Variants in HIP1R observed in about 807,000 individuals in gnomAD.
The protein encoded by HIP1R is huntingtin interacting protein 1 related, also known as huntingtin-interacting protein 1-related protein.
A neutral mutation model predicts 144.2 loss-of-function variants in HIP1R; 135 were observed. That is an observed-to-expected ratio of 0.94 (90% CI 0.81 to 1.08). HIP1R has a LOEUF of 1.08. Ranked by LOEUF, HIP1R falls within the 50% of genes least tolerant of loss-of-function variation. The pLI, the probability that HIP1R is intolerant of heterozygous loss-of-function variation, is 0.00. For missense variants in HIP1R, 1,462 were observed against 1,432.8 expected (o/e 1.02, Z -0.33); for synonymous variants, 698 against 612.8 (o/e 1.14, Z -2.05).
chr12:122,859,886 T>A, intron 24 of HIP1R, 56 bp downstream of exon 24: 2 of 1,557,018 alleles, frequency 1.3e-6, no homozygotes, highest in Non-Finnish European at 1.8e-6. Context: ...CCGTGGCCCC[T>A]AAGGTTCTGC....
intron 7 of HIP1R, among the ~76,000 whole-genome samples, chr12:122,852,971 C>A (rs1467497983): frequency 1.3e-5 from 2 of 152,172 alleles, no homozygotes; most frequent in African/African-American, 2.4e-5. Flanking sequence ...TGCCCCTCCC[C>A]CCCAGGCTCT....
chr12:122,835,670 C>T, intron 1 of HIP1R, 27 bp downstream of exon 1: 2 of 928,380 alleles, frequency 2.2e-6, no homozygotes, highest in South Asian at 4.8e-5. Flanking sequence ...CGGCGGGCGG[C>T]GGGCGGCGGC....
rs2033572925 is a variant in HIP1R at position 122,856,252 on chromosome 12, C to T, written c.1313-4C>T. On this transcript the variant is annotated splice_polypyrimidine_tract_variant and splice_region_variant and intron_variant, in intron 14 of 31. Coordinates refer to ENST00000253083, the MANE Select transcript of HIP1R (RefSeq NM_003959.3). ...GGCATCACTGCCCCTCCTCTCGCCC[C>T]CAGGGAAGGCCAGTGCCACGGAGGC... The T allele has an allele frequency of 6.2e-7, 1 of 1,613,590 alleles. No individual in the cohort carries two copies. Among genetic ancestry groups the T allele is most frequent in the Admixed American group, 1.7e-5 (1 of 59,996 alleles).
chr12:122,858,589 C>CCTG (rs1302415783), intron 20 of HIP1R, among the ~76,000 whole-genome samples, 154 bp downstream of exon 20: 1 of 152,250 alleles, frequency 6.6e-6, no homozygotes, highest in African/African-American at 2.4e-5. Context: ...GGAACCCACC[C>CCTG]CTGCCCTGTG....
chr12:122,862,031 G>A lies in HIP1R; in HGVS notation c.*278G>A, dbSNP rs2033786648. 3 of 453,078 alleles carry A rather than the reference G, an allele frequency of 6.6e-6. No homozygotes were observed. Among genetic ancestry groups the A allele is most frequent in the South Asian group, 9.5e-5 (2 of 21,032 alleles). The allele number at this position is 453,078 out of a possible 1,614,324, so 28.1% of individuals were successfully genotyped here. Reference sequence around the variant, plus strand: ...GAGCCTCAACTCTTCAGAAAATAGTGTTTTTAATATTCCTCTTCAGAAAAT... The same window carrying A: ...GAGCCTCAACTCTTCAGAAAATAGTATTTTTAATATTCCTCTTCAGAAAAT... On this transcript the variant is annotated 3_prime_UTR_variant, in exon 32 of 32. Transcript: ENST00000253083.
rs141310265 is a variant in HIP1R at position 122,860,500 on chromosome 12, G to A, written c.2637G>A (p.Val879=). 267 of 1,612,874 alleles carry A rather than the reference G, an allele frequency of 1.7e-4. 2 individuals carry two copies. The highest frequency in any genetic ancestry group is 4.0e-5 in the Non-Finnish European group (47 of 1,179,904). The change falls in exon 27 of 32, where the codon GTG becomes GTA. Residue 879 remains valine, a synonymous_variant. Transcript: ENST00000253083. ...TEGLISASKA[V]GWGATQLVEA... is the part of the protein sequence containing the mutation. ...GCCTCATCTCGGCCTCCAAGGCTGTGGGCTGGGGAGCCACACAGCTGGTGT... is the reference window on the plus strand; with the variant it reads ...GCCTCATCTCGGCCTCCAAGGCTGTAGGCTGGGGAGCCACACAGCTGGTGT...
At chr12:122,850,319 C>T (rs542727986) in intron 5 of HIP1R, 42 of 399,326 alleles carry the variant, frequency 1.1e-4, no homozygotes, top group Non-Finnish European at 1.6e-4. Flanking sequence ...CAGGGTCCAG[C>T]GTGGGGCCCC....
chr12:122,850,033 C>T, intron 5 of HIP1R, 78 bp downstream of exon 5: 2 of 954,616 alleles, frequency 2.1e-6, no homozygotes, highest in African/African-American at 1.6e-5. Context: ...CATGTTGGGA[C>T]ATCGAGGGTG....
chr12:122,835,413 G>A (rs1704934559), upstream of HIP1R: 2 of 1,129,700 alleles, frequency 1.8e-6, no homozygotes, highest in Non-Finnish European at 2.2e-6. Flanking sequence ...AGTTGGGGGC[G>A]GGGCGAGGCG....
rs531887059 is a variant in HIP1R at position 122,852,974 on chromosome 12, C to G, written c.578-1069C>G. 1.1e-4 allele frequency among the ~76,000 whole-genome samples: 16 copies of G among 152,316 alleles called. 1 individual carries two copies. In the South Asian group the frequency reaches 2.9e-3, roughly 28 times the overall value. ...TGTCTTCCTTCTTGCCCCTCCCCCCCAGGCTCTCTCCTGTCACTGCAGAGA... is the reference window on the plus strand; with the variant it reads ...TGTCTTCCTTCTTGCCCCTCCCCCCGAGGCTCTCTCCTGTCACTGCAGAGA... On this transcript the variant is annotated intron_variant, in intron 7 of 31. Coordinates refer to ENST00000253083, the MANE Select transcript of HIP1R (RefSeq NM_003959.3).
At position 122,859,505 on chromosome 12, in the gene HIP1R, C is replaced by T. The variant is rs146629942; in HGVS notation, c.2375C>T (p.Ala792Val). The T allele has an allele frequency of 5.0e-5, 80 of 1,613,202 alleles. No homozygotes were observed. The highest frequency in any genetic ancestry group is 5.1e-5 in the Non-Finnish European group (60 of 1,179,784). The change falls in exon 23 of 32, where the codon GCA (alanine) becomes GTA (valine). Residue 792 changes from alanine (A) to valine (V), a missense_variant. Transcript: ENST00000253083. ...VVDKEMAATS[A>V]AIEDAVRRIE... is the part of the protein sequence containing the mutation. ...GACAAGGAGATGGCGGCCACATCCG[C>T]AGCCATTGAAGATGCTGTGCGGAGG...
chr12:122,850,876 A>G lies in HIP1R; in HGVS notation c.480A>G (p.Val160=). 1 of 1,611,172 alleles carries G rather than the reference A, an allele frequency of 6.2e-7. No homozygotes were observed. The highest frequency in any genetic ancestry group is 8.5e-7 in the Non-Finnish European group (1 of 1,179,110). ...CGGGCCTGGAGGTGACAGATGAGGTACTGGAGAAGGCAGCTGGGACCGATG... is the reference window on the plus strand; with the variant it reads ...CGGGCCTGGAGGTGACAGATGAGGTGCTGGAGAAGGCAGCTGGGACCGATG... ...FPAGLEVTDE[V]LEKAAGTDVN... The change falls in exon 6 of 32, where the codon GTA becomes GTG. Residue 160 remains valine (V), a synonymous_variant. Transcript: ENST00000253083.
rs781136039 is a variant in HIP1R at position 122,854,038 on chromosome 12, C to T, written c.578-5C>T. ...CACGTTCTTCCTCCTGCCCCTTTTG[C>T]ACAGTTTTCCGACAGCTCAACACGG... On this transcript the variant is annotated splice_region_variant and splice_polypyrimidine_tract_variant and intron_variant, in intron 7 of 31. Transcript: ENST00000253083. 2 of 1,612,870 alleles carry T rather than the reference C, an allele frequency of 1.2e-6. No individual in the cohort carries two copies. Among genetic ancestry groups the T allele is most frequent in the Non-Finnish European group, 8.5e-7 (1 of 1,179,402 alleles).
chr12:122,837,168 A>G (rs2032923549), intron 1 of HIP1R, among the ~76,000 whole-genome samples: 1 of 152,320 alleles, frequency 6.6e-6, no homozygotes, highest in South Asian at 2.1e-4. Flanking sequence ...TCTGATTGCT[A>G]CATGGAGGAG....
intron 12 of HIP1R, 103 bp downstream of exon 12, chr12:122,855,715 T>G (rs960374221): frequency 6.6e-7 from 1 of 1,509,742 alleles, no homozygotes; most frequent in South Asian, 1.2e-5. Context: ...GTGGGGAACA[T>G]GAACCCGTGA....
intron 7 of HIP1R, among the ~76,000 whole-genome samples, chr12:122,852,592 A>T (rs1038966859): frequency 1.3e-5 from 2 of 152,168 alleles, no homozygotes; most frequent in African/African-American, 4.8e-5. Flanking sequence ...CATCTGCTGG[A>T]GAAATTCCCA....
rs764602345 is a variant in HIP1R, at chr12:122,860,693, A to C, written c.2675A>C (p.Lys892Thr). The change falls in exon 28 of 32, where the codon AAG becomes ACG. Residue 892 changes from lysine (K) to threonine (T), a missense_variant. Physicochemically the swap from Lys to Thr is moderately conservative, Grantham distance 78 (BLOSUM62 -1). Coordinates refer to ENST00000253083, the MANE Select transcript of HIP1R (RefSeq NM_003959.3). ...GATQLVEAADKVVLHTGKYEE... is the reference protein window; with the variant it reads ...GATQLVEAADTVVLHTGKYEE... The stretch of plus-strand genomic sequence containing the variant: ...TTGACCCGCAGGGAGGCAGCTGACA[A>C]GGTGGTGCTTCACACGGGCAAGTAT... The C allele has an allele frequency of 9.3e-6, 15 of 1,613,204 alleles. No individual in the cohort carries two copies. Among genetic ancestry groups the C allele is most frequent in the African/African-American group, 2.7e-5 (2 of 74,902 alleles).
upstream of HIP1R, chr12:122,835,135 T>C (rs1315005637): frequency 1.9e-6 from 1 of 532,052 alleles, no homozygotes; most frequent in Non-Finnish European, 2.6e-6. Flanking sequence ...GGATTAGAGG[T>C]GGGGAGGAGC....
chr12:122,851,081 G>T (rs1047597546), intron 6 of HIP1R, among the ~76,000 whole-genome samples, 155 bp from the exon 7 acceptor site: 8 of 152,294 alleles, frequency 5.3e-5, no homozygotes, highest in Middle Eastern at 3.4e-3. Flanking sequence ...AAAGGGTGGG[G>T]TGTACTTGAA....
Sources: allele counts gnomAD v4.1 joint callset (sites outside exome capture counted in the v4.1 genomes callset), GRCh38; gene constraint gnomAD v4.1.1; transcripts MANE v1.5; gene names NCBI Gene and HGNC (gene_info 2026-07-23, HGNC 2026-07-21).